Variants in GUCY1B1 observed in about 807,000 individuals in gnomAD.
The protein encoded by GUCY1B1 is guanylate cyclase 1 soluble subunit beta 1, also known as guanylate cyclase soluble subunit beta-1.
Under a neutral mutation model 71.0 loss-of-function variants are expected in GUCY1B1, and 43 were observed. The ratio of observed to expected loss-of-function variants is 0.61; its 90% CI spans 0.47 to 0.78. The LOEUF (loss-of-function observed/expected upper bound fraction) is 0.78. Among genes scored for constraint, GUCY1B1 ranks in the 30% least tolerant of loss-of-function variants. The pLI is 0.00. For synonymous variants in GUCY1B1, 266 were observed against 259.7 expected (o/e 1.02, Z -0.23); for missense variants, 535 against 754.1 (o/e 0.71, Z 3.40).
intron 4 of GUCY1B1, among the ~76,000 whole-genome samples, chr4:155,782,076 A>T (rs966293100): frequency 2.4e-4 from 36 of 150,756 alleles, no homozygotes; most frequent in Middle Eastern, 3.4e-3. Context: ...TTAATGTTTT[A>T]TTATTATTAT....
rs148990701 is a variant in GUCY1B1 at position 155,779,247 on chromosome 4, T to A, written c.297+1605T>A. ...CTGCAGTGAGTGAGCTGTGATCACA[T>A]CACTGCACTCCAGCCTGGGTGACAG... On this transcript the variant is annotated intron_variant, in intron 4 of 13. Coordinates refer to ENST00000264424, the MANE Select transcript of GUCY1B1 (RefSeq NM_000857.5). 5.1e-3 allele frequency among the ~76,000 whole-genome samples: 782 copies of A among 152,226 alleles called. 4 individuals carry two copies. Among genetic ancestry groups the A allele is most frequent in the Non-Finnish European group, 6.7e-3 (456 of 68,014 alleles).
chr4:155,763,307 A>G (rs1463960968), intron 2 of GUCY1B1, among the ~76,000 whole-genome samples: 2 of 152,092 alleles, frequency 1.3e-5, no homozygotes, highest in South Asian at 2.1e-4. Flanking sequence ...CGGCCTCCCA[A>G]AGTATTGGAT....
intron 7 of GUCY1B1, 64 bp from the exon 8 acceptor site, chr4:155,796,303 ATGCGTGTCCT>A: frequency 7.6e-7 from 1 of 1,323,184 alleles, no homozygotes; most frequent in Non-Finnish European, 1.1e-6. Context: ...GAAATGAGAT[ATGCGTGTCCT>A]TGTTGCTGAA....
intron 4 of GUCY1B1, among the ~76,000 whole-genome samples, chr4:155,782,242 A>G (rs1419493849): frequency 6.6e-6 from 1 of 151,882 alleles, no homozygotes; most frequent in Non-Finnish European, 1.5e-5. Flanking sequence ...CACCCAGCTG[A>G]TTTCTTTTTC....
intron 11 of GUCY1B1, among the ~76,000 whole-genome samples, 180 bp from the exon 12 acceptor site, chr4:155,804,413 G>A (rs1273659687): frequency 6.6e-6 from 1 of 151,936 alleles, no homozygotes. Flanking sequence ...CCTAATACGT[G>A]CGGGGCTTAA....
chr4:155,778,867 C>T (rs1205544101), intron 4 of GUCY1B1, among the ~76,000 whole-genome samples: 2 of 152,110 alleles, frequency 1.3e-5, no homozygotes, highest in African/African-American at 4.8e-5. Flanking sequence ...CCACTATCAA[C>T]TTATAGCAAA....
chr4:155,780,929 AAAAT>A (rs1158555980), intron 4 of GUCY1B1, among the ~76,000 whole-genome samples: 1 of 152,192 alleles, frequency 6.6e-6, no homozygotes, highest in African/African-American at 2.4e-5. Context: ...AGGGAACACT[AAAAT>A]AGCTACTGAA....
chr4:155,795,273 G>T, intron 6 of GUCY1B1, 68 bp from the exon 7 acceptor site: 1 of 720,744 alleles, frequency 1.4e-6, no homozygotes, highest in Non-Finnish European at 2.4e-6. Context: ...TTAATCAAGC[G>T]ATTAATATCA....
chr4:155,804,788 A>C, intron 12 of GUCY1B1, 41 bp downstream of exon 12: 1 of 1,548,656 alleles, frequency 6.5e-7, no homozygotes, highest in Non-Finnish European at 8.8e-7. Flanking sequence ...TTGCAAAGAA[A>C]ATGTGTCTTT....
In GUCY1B1 at chr4:155,802,514, C is replaced by G; in HGVS notation, c.1348C>G (p.Leu450Val). The change falls in exon 10 of 14, where the codon CTC becomes GTC. Residue 450 changes from leucine (L) to valine (V), a missense_variant. Coordinates refer to ENST00000264424, the MANE Select transcript of GUCY1B1 (RefSeq NM_000857.5). This position sits in a 1 kb window ranked among gnomAD's most constrained non-coding sequence, Gnocchi z 4.3. ...AGGAGCCATGAAGATCGTCAACCTCCTCAACGACCTCTACACCAGATTTGA... is the reference window on the plus strand; with the variant it reads ...AGGAGCCATGAAGATCGTCAACCTCGTCAACGACCTCTACACCAGATTTGA... The part of the protein sequence containing the change: ...GEGAMKIVNL[L>V]NDLYTRFDTL... 1 of 1,612,632 alleles carries G rather than the reference C, an allele frequency of 6.2e-7. No homozygotes were observed. Among genetic ancestry groups the G allele is most frequent in the Non-Finnish European group, 8.5e-7 (1 of 1,179,326 alleles).
intron 4 of GUCY1B1, among the ~76,000 whole-genome samples, chr4:155,781,184 A>G (rs1039187605): frequency 2.6e-5 from 4 of 152,236 alleles, no homozygotes; most frequent in African/African-American, 4.8e-5. Flanking sequence ...TTAATGAAAC[A>G]GTCTTTAAAT....
chr4:155,787,279 G>T (rs1738862626), intron 4 of GUCY1B1, among the ~76,000 whole-genome samples: 1 of 152,106 alleles, frequency 6.6e-6, no homozygotes, highest in South Asian at 2.1e-4. Context: ...TGCCATATTG[G>T]ATTACTTTTA....
chr4:155,780,225 C>G (rs572320267), intron 4 of GUCY1B1, among the ~76,000 whole-genome samples: 1 of 152,192 alleles, frequency 6.6e-6, no homozygotes, highest in South Asian at 2.1e-4. Context: ...CCCTCTCCCC[C>G]AGTCCAGCCA....
intron 3 of GUCY1B1, among the ~76,000 whole-genome samples, chr4:155,775,688 A>G (rs1737995211): frequency 6.6e-6 from 1 of 152,236 alleles, no homozygotes; most frequent in African/African-American, 2.4e-5. Context: ...GGTGTCAAGA[A>G]AACGGTAGTT....
At position 155,782,156 on chromosome 4, in the gene GUCY1B1, A is replaced by G. The variant is rs560526523; in HGVS notation, c.297+4514A>G. The stretch of plus-strand genomic sequence containing the variant: ...AGTGGCGCAGTCTCGGCTCACTGCA[A>G]ACTCCGCCTCCCGGGTTCACGCCAT... On this transcript the variant is annotated intron_variant, in intron 4 of 13. Coordinates refer to ENST00000264424, the MANE Select transcript of GUCY1B1 (RefSeq NM_000857.5). Among the ~76,000 whole-genome samples, 68 of 152,136 alleles carry G rather than the reference A, an allele frequency of 4.5e-4. No homozygotes were observed. In the South Asian group the frequency reaches 0.011, roughly 24 times the overall value.
chr4:155,800,247 G>C (rs866827800), intron 9 of GUCY1B1, among the ~76,000 whole-genome samples, 173 bp downstream of exon 9: 22 of 152,274 alleles, frequency 1.4e-4, no homozygotes, highest in Middle Eastern at 6.8e-3. Context: ...AAATAAACCA[G>C]TCTTAATGGT....
intron 2 of GUCY1B1, among the ~76,000 whole-genome samples, chr4:155,771,092 C>T (rs1737666131): frequency 6.6e-6 from 1 of 151,820 alleles, no homozygotes; most frequent in African/African-American, 2.4e-5. Flanking sequence ...TAAAACTGTT[C>T]CATAAGAAAA....
chr4:155,793,699 T>G (rs1663349572), intron 5 of GUCY1B1, among the ~76,000 whole-genome samples, 157 bp from the exon 6 acceptor site: 1 of 152,314 alleles, frequency 6.6e-6, no homozygotes, highest in South Asian at 2.1e-4. Context: ...TCCAGAAATA[T>G]TTTCCTATTT....
intron 2 of GUCY1B1, among the ~76,000 whole-genome samples, chr4:155,762,723 G>GT (rs1450895133): frequency 6.6e-6 from 1 of 152,194 alleles, no homozygotes; most frequent in East Asian, 1.9e-4. Flanking sequence ...TGTTTTAGGT[G>GT]TTACAGGCCA....
Sources: allele counts gnomAD v4.1 joint callset (sites outside exome capture counted in the v4.1 genomes callset), GRCh38; gene constraint gnomAD v4.1.1; non-coding constraint Gnocchi (gnomAD v3.1); transcripts MANE v1.5; gene names NCBI Gene and HGNC (gene_info 2026-07-23, HGNC 2026-07-21).